CDH20: variants seen among roughly 807,000 people sequenced by gnomAD.
CDH20 encodes cadherin 20, also known as cadherin-20.
CDH20 carries 29 observed loss-of-function variants against 74.2 expected under a neutral mutation model. That is an observed-to-expected ratio of 0.39 (90% CI 0.29 to 0.53). CDH20 has a LOEUF of 0.53. Ranked by LOEUF, CDH20 falls within the 20% of genes least tolerant of loss-of-function variation. The pLI is 0.69. For missense variants in CDH20, 988 were observed against 1,048.3 expected, an observed-to-expected ratio of 0.94 and a Z score of 0.79; for synonymous variants, 469 against 405.4, an observed-to-expected ratio of 1.16 and a Z score of -1.88.
At chr18:61,365,132 A>G (rs1910816980) in intron 1 of CDH20, among the ~76,000 whole-genome samples, 1 of 152,216 alleles carries the variant, frequency 6.6e-6, no homozygotes, top group African/African-American at 2.4e-5. Context: ...AGGAGCAGAC[A>G]CTGTCCTTCA....
intron 6 of CDH20, among the ~76,000 whole-genome samples, chr18:61,517,899 C>T (rs555785402): frequency 6.6e-6 from 1 of 152,244 alleles, no homozygotes; most frequent in South Asian, 2.1e-4. Context: ...GCCCTGCAGT[C>T]TGTAGTCGAC....
chr18:61,550,068 G>C lies in CDH20; in HGVS notation c.1739G>C (p.Gly580Ala), dbSNP rs747312118. 6.2e-7 allele frequency: 1 copy of C among 1,614,090 alleles called. No homozygotes were observed. Among genetic ancestry groups the C allele is most frequent in the Non-Finnish European group, 8.5e-7 (1 of 1,180,042 alleles). ...CTGCCTATCCTGATAGCAGATAGCG[G>C]GCAGCCCGTGCTGAGCAGCACAGGC... ...FHLPILIADS[G>A]QPVLSSTGTL... The change falls in exon 11 of 12, where the codon GGG (glycine) becomes GCG (alanine). Residue 580 changes from glycine (G) to alanine (A), a missense_variant. Physicochemically the swap from Gly to Ala is moderately conservative, Grantham distance 60 (BLOSUM62 0). This residue lies in a region of CDH20 where 613 missense variants were observed against 755.2 expected (regional missense o/e 0.81). Coordinates refer to ENST00000262717, the MANE Select transcript of CDH20 (RefSeq NM_031891.4).
intron 1 of CDH20, among the ~76,000 whole-genome samples, chr18:61,441,392 A>G (rs1160687413): frequency 6.6e-6 from 1 of 152,214 alleles, no homozygotes; most frequent in African/African-American, 2.4e-5. Context: ...TAAGTGAAAC[A>G]TATTTATGTC....
chr18:61,479,511 G>A lies in CDH20; in HGVS notation c.-152-10891G>A, dbSNP rs78182163. Among the ~76,000 whole-genome samples, 1,106 of 152,176 alleles carry A rather than the reference G, an allele frequency of 7.3e-3. 21 individuals are homozygous for A. The highest frequency in any genetic ancestry group is 0.067 in the East Asian group (347 of 5,180). ...TATTTCAGTACTAACTAAAAGAATA[G>A]CCAATGTTTATTTATTATGGATAAA... On this transcript the variant is annotated intron_variant, in intron 1 of 11. Coordinates refer to ENST00000262717, the MANE Select transcript of CDH20 (RefSeq NM_031891.4).
At chr18:61,442,290 G>A (rs1273306176) in intron 1 of CDH20, among the ~76,000 whole-genome samples, 2 of 150,810 alleles carry the variant, frequency 1.3e-5, no homozygotes, top group African/African-American at 4.9e-5. Flanking sequence ...GCTCAAGGCT[G>A]CACTGAACTA....
At chr18:61,351,569 T>C (rs1910307130) in intron 1 of CDH20, among the ~76,000 whole-genome samples, 1 of 152,080 alleles carries the variant, frequency 6.6e-6, no homozygotes. Context: ...GCAAATATTA[T>C]CAGGAGAGAA....
intron 1 of CDH20, among the ~76,000 whole-genome samples, chr18:61,488,115 T>G (rs1328462055): frequency 2.0e-5 from 3 of 152,050 alleles, no homozygotes; most frequent in African/African-American, 7.3e-5. Flanking sequence ...TATGTATGTA[T>G]AGTGAGTTCT....
At chr18:61,371,373 T>A (rs1170167118) in intron 1 of CDH20, among the ~76,000 whole-genome samples, 1 of 152,068 alleles carries the variant, frequency 6.6e-6, no homozygotes, top group East Asian at 1.9e-4. Flanking sequence ...TCCCTTGTTA[T>A]AGGTGCTGTA....
At chr18:61,404,941 A>G (rs958657795) in intron 1 of CDH20, 1 of 708,474 alleles carries the variant, frequency 1.4e-6, no homozygotes, top group Admixed American at 1.8e-5. Flanking sequence ...CATACTCTGT[A>G]GTATTTTCCT....
At chr18:61,355,822 T>A (rs1228697503) in intron 1 of CDH20, among the ~76,000 whole-genome samples, 1 of 152,116 alleles carries the variant, frequency 6.6e-6, no homozygotes, top group African/African-American at 2.4e-5. Context: ...GGGCAAAAAT[T>A]GGGCAAAAAA....
At chr18:61,418,593 G>A (rs1180053212) in intron 1 of CDH20, among the ~76,000 whole-genome samples, 1 of 140,682 alleles carries the variant, frequency 7.1e-6, no homozygotes, top group African/African-American at 2.6e-5. Context: ...TTATATGCAT[G>A]TAAATAAATT....
intron 1 of CDH20, among the ~76,000 whole-genome samples, chr18:61,446,540 C>G (rs1192676991): frequency 6.6e-6 from 1 of 151,994 alleles, no homozygotes; most frequent in Non-Finnish European, 1.5e-5. Flanking sequence ...GTTTTTACAC[C>G]CTCTTCATTA....
intron 5 of CDH20, among the ~76,000 whole-genome samples, chr18:61,505,044 A>C (rs978969514): frequency 1.3e-5 from 2 of 152,170 alleles, no homozygotes; most frequent in Non-Finnish European, 2.9e-5. Context: ...TGTGGGTTCC[A>C]TCTTCATTAC....
intron 1 of CDH20, among the ~76,000 whole-genome samples, chr18:61,454,240 C>T (rs1306997339): frequency 6.6e-6 from 1 of 152,110 alleles, no homozygotes; most frequent in Non-Finnish European, 1.5e-5. Context: ...AATCTTTTAT[C>T]CCGCTCTGTT....
intron 8 of CDH20, among the ~76,000 whole-genome samples, chr18:61,537,527 G>C (rs1912854977): frequency 6.6e-6 from 1 of 152,076 alleles, no homozygotes; most frequent in Non-Finnish European, 1.5e-5. Flanking sequence ...AATGACAAAG[G>C]ATAACCTTAC....
chr18:61,387,664 A>G lies in CDH20; in HGVS notation c.-153+53837A>G, dbSNP rs1261329626. Among the ~76,000 whole-genome samples the G allele has an allele frequency of 2.6e-5, 4 of 152,178 alleles. 1 individual carries two copies. In the South Asian group the frequency reaches 6.2e-4, roughly 24 times the overall value. ...AACCCCTTCTTTATTCTAAATATCT[A>G]CAGAATTGTGTGTGTATACATAGAC... On this transcript the variant is annotated intron_variant, in intron 1 of 11. Coordinates refer to ENST00000262717, the MANE Select transcript of CDH20 (RefSeq NM_031891.4).
At chr18:61,536,228 T>C (rs1282972780) in intron 7 of CDH20, among the ~76,000 whole-genome samples, 1 of 152,224 alleles carries the variant, frequency 6.6e-6, no homozygotes, top group Non-Finnish European at 1.5e-5. Flanking sequence ...CATATTTAAA[T>C]AGCTTACAAC....
chr18:61,341,888 T>C (rs1448427581), intron 1 of CDH20, among the ~76,000 whole-genome samples: 1 of 152,228 alleles, frequency 6.6e-6, no homozygotes, highest in Non-Finnish European at 1.5e-5. Context: ...TGCGTCTACC[T>C]TTATGCTTAG....
intron 1 of CDH20, among the ~76,000 whole-genome samples, chr18:61,418,206 A>C (rs1312353531): frequency 6.6e-6 from 1 of 152,076 alleles, no homozygotes; most frequent in African/African-American, 2.4e-5. Context: ...CAACCTTTTC[A>C]ATGAGAATAA....
Sources: allele counts gnomAD v4.1 joint callset (sites outside exome capture counted in the v4.1 genomes callset), GRCh38; gene constraint gnomAD v4.1.1; regional missense constraint gnomAD v4.1.1; transcripts MANE v1.5; gene names NCBI Gene and HGNC (gene_info 2026-07-23, HGNC 2026-07-21).